Variants in SORL1 observed in about 807,000 individuals in gnomAD.
SORL1 encodes sortilin-related receptor.
Under a neutral mutation model 273.7 loss-of-function variants are expected in SORL1, and 127 were observed. The observed-to-expected ratio is 0.46, with a 90% CI of 0.40 to 0.54. The LOEUF (loss-of-function observed/expected upper bound fraction) is 0.54. SORL1 is among the 20% of genes least tolerant of loss of function. SORL1 has a pLI of 0.00. For synonymous variants in SORL1, 1,031 were observed against 1,067.4 expected, an observed-to-expected ratio of 0.97 and a Z score of 0.66; for missense variants, 2,494 against 2,846.1, an observed-to-expected ratio of 0.88 and a Z score of 2.81.
chr11:121,509,369 T>C (rs1213868568), intron 6 of SORL1, among the ~76,000 whole-genome samples: 2 of 152,200 alleles, frequency 1.3e-5, no homozygotes, highest in Non-Finnish European at 2.9e-5. Flanking sequence ...ATTTAGTTCC[T>C]TTACTCCTCT....
chr11:121,588,355 C>A (rs552281470), intron 28 of SORL1, among the ~76,000 whole-genome samples: 1 of 152,148 alleles, frequency 6.6e-6, no homozygotes, highest in Admixed American at 6.5e-5. Context: ...GAAAGACTTT[C>A]TTTTGTTGCT....
chr11:121,566,700 C>A, intron 21 of SORL1: 1 of 432,536 alleles, frequency 2.3e-6, no homozygotes, highest in Non-Finnish European at 4.1e-6. Flanking sequence ...AGGAGGAACC[C>A]TGCTGCCTGG....
Position 121,627,522 on chromosome 11 carries a change from G to A in SORL1, c.6365-33G>A, listed in dbSNP as rs777984248. On this transcript the variant is annotated intron_variant, in intron 46 of 47. Transcript: ENST00000260197. This position sits in a 1 kb window ranked among gnomAD's most constrained non-coding sequence, Gnocchi z 4.9. ...ATCTGGTCTGTTCTCCTGCCCTCAG[G>A]TGGGCTTATTGGTGGGAACTTTGCC... The A allele has an allele frequency of 3.8e-6, 6 of 1,589,780 alleles. No individual in the cohort carries two copies. In the African/African-American group the frequency reaches 8.1e-5, roughly 21 times the overall value.
At position 121,622,301 on chromosome 11, in the gene SORL1, A is replaced by G. The variant is rs767509663; in HGVS notation, c.6171+33A>G. 5 of 1,227,558 alleles carry G rather than the reference A, an allele frequency of 4.1e-6. No homozygotes were observed. The East Asian group carries it at 1.2e-4, about 29-fold the overall frequency. 76.0% of individuals were successfully genotyped at this position (1,227,558 alleles called of 1,614,324 possible). ...CCTCCCTCATTCTCAATGACTTTGG[A>G]AATTTAATTGAAATGCTGTTTCAGA... On this transcript the variant is annotated intron_variant, in intron 45 of 47. Coordinates refer to ENST00000260197, the MANE Select transcript of SORL1 (RefSeq NM_003105.6).
chr11:121,604,245 G>A lies in SORL1; in HGVS notation c.4572G>A (p.Gly1524=). 6.2e-7 allele frequency: 1 copy of A among 1,614,144 alleles called. No individual in the cohort carries two copies. Among genetic ancestry groups the A allele is most frequent in the Non-Finnish European group, 8.5e-7 (1 of 1,180,030 alleles). The change falls in exon 33 of 48, where the codon GGG becomes GGA. Residue 1524 remains glycine (G), a synonymous_variant. Transcript: ENST00000260197. The stretch of plus-strand genomic sequence containing the variant: ...GCAGGGAGTTCCAGTGCGAGGACGG[G>A]GAGGCCTGCATTGTGCTCTCGGAGC... ...CMSREFQCED[G]EACIVLSERC...
rs17125552 is a variant in SORL1 at position 121,620,938 on chromosome 11, C to T, written c.5890-126C>T. On this transcript the variant is annotated intron_variant, in intron 43 of 47. Transcript: ENST00000260197. ...CCTTCCAAAGAATGGAGTCAGATTT[C>T]GGGACTCAAACTCTTGTTGCTGTGG... The T allele has an allele frequency of 5.9e-3, 3,895 of 656,634 alleles. 134 individuals are homozygous for T. The African/African-American group carries it at 0.064, about 11-fold the overall frequency. 40.7% of individuals were successfully genotyped at this position (656,634 alleles called of 1,614,324 possible).
chr11:121,540,441 C>T (rs12271421), intron 12 of SORL1, among the ~76,000 whole-genome samples: 1 of 147,136 alleles, frequency 6.8e-6, no homozygotes, highest in African/African-American at 2.5e-5. Flanking sequence ...CTCTGGGAGG[C>T]TGAGGTGGGT....
intron 25 of SORL1, among the ~76,000 whole-genome samples, chr11:121,581,999 T>G (rs542061850): frequency 5.2e-5 from 8 of 152,384 alleles, no homozygotes; most frequent in Admixed American, 4.6e-4. Context: ...GATACATTTA[T>G]TCCTCTTATC....
rs564658853 is a variant in SORL1, at chr11:121,457,900, G to A, written c.285+5284G>A. 2.3e-4 allele frequency among the ~76,000 whole-genome samples: 35 copies of A among 152,366 alleles called. No individual in the cohort carries two copies. In the South Asian group the frequency reaches 7.0e-3, roughly 31 times the overall value. On this transcript the variant is annotated intron_variant, in intron 1 of 47. Coordinates refer to ENST00000260197, the MANE Select transcript of SORL1 (RefSeq NM_003105.6). ...AATTGCTTTGAGACTTGGGATCCAC[G>A]AGGCAGATCCTTATAGCAACGAACA...
At chr11:121,602,693 T>TG (rs956169532) in intron 32 of SORL1, among the ~76,000 whole-genome samples, 17 of 152,222 alleles carry the variant, frequency 1.1e-4, no homozygotes, top group African/African-American at 4.1e-4. Context: ...GAAGCTTCCT[T>TG]GCTCAGGTCA....
rs573502279 is a variant in SORL1, at chr11:121,506,175, C to T, written c.940-6828C>T. The stretch of plus-strand genomic sequence containing the variant: ...ATGATTGTTAATTCTTCTAGATTGA[C>T]ACTTTTATCATTATTAAATGTCCTT... On this transcript the variant is annotated intron_variant, in intron 6 of 47. Transcript: ENST00000260197. Among the ~76,000 whole-genome samples the T allele has an allele frequency of 7.0e-4, 107 of 152,252 alleles. 6 individuals carry two copies. In the South Asian group the frequency reaches 0.02, roughly 29 times the overall value.
Position 121,555,179 on chromosome 11 carries a change from C to A in SORL1, c.2440-8C>A. 1 of 1,611,486 alleles carries A rather than the reference C, an allele frequency of 6.2e-7. No individual in the cohort carries two copies. The highest frequency in any genetic ancestry group is 1.1e-5 in the South Asian group (1 of 90,824). ...TCCTAGCATTTATTATTACTTTTCT[C>A]TCTTAAGCGCCTCTGTTTGAATGGA... On this transcript the variant is annotated splice_polypyrimidine_tract_variant and splice_region_variant and intron_variant, in intron 17 of 47. Transcript: ENST00000260197.
chr11:121,573,085 G>A (rs7104977), intron 23 of SORL1, among the ~76,000 whole-genome samples: 58,543 of 151,996 alleles, frequency 0.39, 12,209 homozygotes, highest in East Asian at 0.77. Flanking sequence ...TTGTGCTTAA[G>A]CACAGGAAAT....
At chr11:121,480,540 A>T (rs1433923481) in intron 3 of SORL1, among the ~76,000 whole-genome samples, 1 of 151,916 alleles carries the variant, frequency 6.6e-6, no homozygotes, top group African/African-American at 2.4e-5. Context: ...TTTCAGCTTC[A>T]TCTCCTCCTC....
intron 3 of SORL1, among the ~76,000 whole-genome samples, chr11:121,486,281 G>A (rs1201019145): frequency 4.6e-5 from 7 of 152,142 alleles, no homozygotes. Context: ...CTTGCCAGGT[G>A]TGCATGCGAG....
intron 8 of SORL1, among the ~76,000 whole-genome samples, chr11:121,516,263 A>G (rs898508372): frequency 6.6e-6 from 1 of 152,194 alleles, no homozygotes; most frequent in Non-Finnish European, 1.5e-5. Flanking sequence ...GGCTGGACCC[A>G]GGGTGGTCAC....
At chr11:121,542,338 G>A (rs1862360289) in intron 12 of SORL1, among the ~76,000 whole-genome samples, 1 of 152,186 alleles carries the variant, frequency 6.6e-6, no homozygotes. Context: ...CTAAATCCTG[G>A]ATTGGATTTA....
At chr11:121,574,125 T>C in intron 23 of SORL1, 116 bp from the exon 24 acceptor site, 1 of 1,012,580 alleles carries the variant, frequency 9.9e-7, no homozygotes. Flanking sequence ...TAATTTCTGT[T>C]GCTACAATTA....
At chr11:121,567,982 A>G (rs1490945363) in intron 22 of SORL1, among the ~76,000 whole-genome samples, 1 of 152,142 alleles carries the variant, frequency 6.6e-6, no homozygotes, top group African/African-American at 2.4e-5. Context: ...TGCAGCTTCA[A>G]CTCAAACTCC....
Sources: allele counts gnomAD v4.1 joint callset (sites outside exome capture counted in the v4.1 genomes callset), GRCh38; gene constraint gnomAD v4.1.1; non-coding constraint Gnocchi (gnomAD v3.1); transcripts MANE v1.5; gene names NCBI Gene and HGNC (gene_info 2026-07-23, HGNC 2026-07-21).